MED26: variants seen among roughly 807,000 people sequenced by gnomAD.
MED26 encodes mediator of RNA polymerase II transcription subunit 26.
MED26 carries 7 observed loss-of-function variants against 43.7 expected under a neutral mutation model. The ratio of observed to expected loss-of-function variants is 0.16; its 90% CI spans 0.09 to 0.30. The LOEUF is 0.30. Ranked by LOEUF, MED26 falls within the 10% of genes least tolerant of loss-of-function variation. The pLI, the probability that MED26 is intolerant of heterozygous loss-of-function variation, is 1.00. For missense variants in MED26, 784 were observed against 840.6 expected (o/e 0.93, Z 0.83); for synonymous variants, 375 against 371.1 (o/e 1.01, Z -0.12).
chr19:16,618,135 A>G (rs1240229761), intron 1 of MED26, among the ~76,000 whole-genome samples: 28 of 152,216 alleles, frequency 1.8e-4, no homozygotes, highest in Admixed American at 1.8e-3. Flanking sequence ...GGAAACAGGC[A>G]GGACAATCAG....
intron 1 of MED26, among the ~76,000 whole-genome samples, chr19:16,602,312 C>A (rs1472547106): frequency 6.6e-6 from 1 of 152,194 alleles, no homozygotes; most frequent in Non-Finnish European, 1.5e-5. Context: ...CAACCCTGAG[C>A]ACTTGGAGGT....
At chr19:16,588,926 C>G (rs2086083573) in intron 1 of MED26, 1 of 152,398 alleles carries the variant, frequency 6.6e-6, no homozygotes, top group African/African-American at 2.4e-5. Context: ...AGGTGCTCTA[C>G]CAAACTCTGG....
chr19:16,577,397 C>G lies in MED26; in HGVS notation c.433G>C (p.Gly145Arg). The change falls in exon 3 of 3, where the codon GGC becomes CGC. Residue 145 changes from glycine (G) to arginine (R), a missense_variant. Around this residue, in one of 3 missense-constraint regions of MED26, gnomAD observed 719 missense variants for 730.9 expected, o/e 0.98. Transcript: ENST00000263390. The surrounding 1 kb of genome is among the most constrained non-coding windows in gnomAD (Gnocchi z 8.1). ...TGGTCACCCCGGCGCTTGCGGCTGC[C>G]CAGCCTGTCCAGCCGCTGCCCGGGC... ...RLPGQRLDRL[G>R]SRKRRGDQRD... 1 of 1,604,322 alleles carries G rather than the reference C, an allele frequency of 6.2e-7. No homozygotes were observed. The highest frequency in any genetic ancestry group is 8.5e-7 in the Non-Finnish European group (1 of 1,175,072).
intron 1 of MED26, among the ~76,000 whole-genome samples, chr19:16,605,562 GCACA>G (rs373567973): frequency 5.6e-4 from 86 of 152,328 alleles, no homozygotes; most frequent in African/African-American, 1.8e-3. Flanking sequence ...CCCACTCACT[GCACA>G]CACACAGTCA....
chr19:16,625,710 ACT>A (rs1356072345), intron 1 of MED26, among the ~76,000 whole-genome samples: 2 of 152,088 alleles, frequency 1.3e-5, no homozygotes, highest in African/African-American at 4.8e-5. Flanking sequence ...CTGCAGACGC[ACT>A]GACATGCCCG....
intron 1 of MED26, among the ~76,000 whole-genome samples, chr19:16,583,298 G>GC (rs572176728): frequency 1.1e-3 from 168 of 152,340 alleles, no homozygotes; most frequent in Non-Finnish European, 2.0e-3. Context: ...TCCCAAAGGG[G>GC]CAGGAATCCC....
At chr19:16,580,545 T>C (rs1195861752) in intron 1 of MED26, among the ~76,000 whole-genome samples, 1 of 151,118 alleles carries the variant, frequency 6.6e-6, no homozygotes, top group Non-Finnish European at 1.5e-5. Flanking sequence ...ATTTTTGTAT[T>C]TTTTTTTAGT....
intron 1 of MED26, chr19:16,588,970 C>G (rs1453356058): frequency 6.6e-6 from 1 of 152,390 alleles, no homozygotes; most frequent in Admixed American, 6.5e-5. Context: ...CGTTAGGATC[C>G]CTGTGTACTG....
chr19:16,600,243 C>G (rs1186565576), intron 1 of MED26, among the ~76,000 whole-genome samples: 1 of 152,044 alleles, frequency 6.6e-6, no homozygotes, highest in African/African-American at 2.4e-5. Flanking sequence ...CTACTTCCAC[C>G]TCCTCTTGGC....
Position 16,575,946 on chromosome 19 carries a change from G to C in MED26, c.*81C>G, listed in dbSNP as rs2085993491. On this transcript the variant is annotated 3_prime_UTR_variant, in exon 3 of 3. Coordinates refer to ENST00000263390, the MANE Select transcript of MED26 (RefSeq NM_004831.5). The stretch of plus-strand genomic sequence containing the variant: ...GAGTTCCCAGCGCAGGAGGCAGCTG[G>C]GCCCCGGCCACCTGCCCACCTGCCT... 1.4e-6 allele frequency: 2 copies of C among 1,381,926 alleles called. No homozygotes were observed. The highest frequency in any genetic ancestry group is 2.7e-5 in the South Asian group (2 of 74,486). 85.6% of individuals were successfully genotyped at this position (1,381,926 alleles called of 1,614,324 possible).
chr19:16,627,979 C>A lies in MED26; in HGVS notation c.-36G>T. The A allele has an allele frequency of 6.0e-6, 8 of 1,325,168 alleles. No homozygotes were observed. Among genetic ancestry groups the A allele is most frequent in the Non-Finnish European group, 8.0e-6 (8 of 1,005,918 alleles). The allele number at this position is 1,325,168 out of a possible 1,614,324, so 82.1% of individuals were successfully genotyped here. On this transcript the variant is annotated 5_prime_UTR_variant, in exon 1 of 3. Transcript: ENST00000263390. Reference sequence around the variant, plus strand: ...AGGCGGGGGGTTGCGGCCGGGCCAGCGGGCGGGCGGGCTGAGGCGGGGGAC... The same window carrying A: ...AGGCGGGGGGTTGCGGCCGGGCCAGAGGGCGGGCGGGCTGAGGCGGGGGAC...
chr19:16,588,976 T>A (rs2122398454), intron 1 of MED26: 1 of 152,510 alleles, frequency 6.6e-6, no homozygotes, highest in African/African-American at 2.4e-5. Flanking sequence ...GATCCCTGTG[T>A]ACTGACCCGG....
chr19:16,600,805 A>G (rs1437237048), intron 1 of MED26, among the ~76,000 whole-genome samples: 1 of 152,146 alleles, frequency 6.6e-6, no homozygotes, highest in Non-Finnish European at 1.5e-5. Context: ...ATTTATTAAG[A>G]AATTCTTGGC....
At chr19:16,616,717 T>C (rs1291076799) in intron 1 of MED26, among the ~76,000 whole-genome samples, 1 of 152,130 alleles carries the variant, frequency 6.6e-6, no homozygotes, top group Non-Finnish European at 1.5e-5. Flanking sequence ...GCTCTGAGAC[T>C]ACCTGGGGAA....
intron 1 of MED26, among the ~76,000 whole-genome samples, chr19:16,620,363 G>T (rs2086246256): frequency 6.6e-6 from 1 of 152,158 alleles, no homozygotes; most frequent in African/African-American, 2.4e-5. Context: ...ACTAGTACCT[G>T]CCTCCTGTTT....
intron 1 of MED26, among the ~76,000 whole-genome samples, chr19:16,581,974 G>A (rs1367043715): frequency 1.3e-5 from 2 of 152,254 alleles, no homozygotes; most frequent in African/African-American, 2.4e-5. Flanking sequence ...GTCCTACGCC[G>A]TAAACAGATG....
At chr19:16,625,282 A>G (rs980997722) in intron 1 of MED26, among the ~76,000 whole-genome samples, 1 of 152,244 alleles carries the variant, frequency 6.6e-6, no homozygotes, top group African/African-American at 2.4e-5. Flanking sequence ...CCAGGGGCTA[A>G]AAGTGAGAGC....
chr19:16,579,867 T>G, intron 1 of MED26, among the ~76,000 whole-genome samples: 1 of 152,240 alleles, frequency 6.6e-6, no homozygotes, highest in East Asian at 1.9e-4. Context: ...ACATCCACAC[T>G]TATCACATAT....
rs572741902 is a variant in MED26 at position 16,612,523 on chromosome 19, C to T, written c.72+15349G>A. 1.6e-4 allele frequency among the ~76,000 whole-genome samples: 25 copies of T among 152,242 alleles called. 1 individual carries two copies. The highest frequency in any genetic ancestry group is 5.8e-4 in the African/African-American group (24 of 41,542). On this transcript the variant is annotated intron_variant, in intron 1 of 2. Transcript: ENST00000263390. ...TTGGTCTCAAACTCCTTGCCTCAAG[C>T]GATCCTCCCACCTCGGTCTCCCAAA...
Sources: allele counts gnomAD v4.1 joint callset (sites outside exome capture counted in the v4.1 genomes callset), GRCh38; gene constraint gnomAD v4.1.1; regional missense constraint gnomAD v4.1.1; non-coding constraint Gnocchi (gnomAD v3.1); transcripts MANE v1.5; gene names NCBI Gene and HGNC (gene_info 2026-07-23, HGNC 2026-07-21).